Variants in GALNTL6 observed in about 807,000 individuals in gnomAD.
The protein encoded by GALNTL6 is polypeptide N-acetylgalactosaminyltransferase like 6, also known as polypeptide N-acetylgalactosaminyltransferase-like 6.
In GALNTL6, 46 loss-of-function variants were observed where a neutral mutation model predicts 73.7. The ratio of observed to expected loss-of-function variants is 0.62; its 90% CI spans 0.49 to 0.80. GALNTL6 has a LOEUF of 0.80. Ranked by LOEUF, GALNTL6 falls within the 30% of genes least tolerant of loss-of-function variation. The probability of loss-of-function intolerance (pLI) is 0.00; values close to 1 mark genes in which losing one functional copy is unlikely to be tolerated. For synonymous variants in GALNTL6, 259 were observed against 263.7 expected (o/e 0.98, Z 0.17); for missense variants, 604 against 755.0 (o/e 0.80, Z 2.34).
chr4:172,380,137 T>C (rs1743226080), intron 5 of GALNTL6: 7 of 1,041,194 alleles, frequency 6.7e-6, no homozygotes, highest in Non-Finnish European at 9.1e-6. Context: ...ATGGATCATC[T>C]GGATTTGGAG....
chr4:172,381,217 A>T (rs1356737222), intron 5 of GALNTL6, among the ~76,000 whole-genome samples: 1 of 152,208 alleles, frequency 6.6e-6, no homozygotes, highest in South Asian at 2.1e-4. Flanking sequence ...ACAAATGATT[A>T]TTTCCTTTAA....
chr4:172,283,771 G>T (rs540002008), intron 3 of GALNTL6, among the ~76,000 whole-genome samples: 1 of 152,046 alleles, frequency 6.6e-6, no homozygotes, highest in East Asian at 1.9e-4. Context: ...AAATAATTTG[G>T]ATTACAACTT....
chr4:172,575,281 A>C (rs973545866), intron 5 of GALNTL6, among the ~76,000 whole-genome samples: 1 of 152,340 alleles, frequency 6.6e-6, no homozygotes, highest in Admixed American at 6.5e-5. Flanking sequence ...CTTACTGCAA[A>C]CATTGTTATG....
chr4:172,219,224 A>ATATATATATATATATAT, intron 2 of GALNTL6, among the ~76,000 whole-genome samples: 2 of 66,550 alleles, frequency 3.0e-5, no homozygotes, highest in Non-Finnish European at 6.6e-5. Flanking sequence ...TATATATATA[A>ATATATATATATATATAT]TCCTTCTGTT....
chr4:172,438,472 T>C (rs1482372274), intron 5 of GALNTL6, among the ~76,000 whole-genome samples: 1 of 152,076 alleles, frequency 6.6e-6, no homozygotes, highest in African/African-American at 2.4e-5. Flanking sequence ...TCTCCAATCA[T>C]GTCCCCACTC....
chr4:172,672,852 G>A (rs1313130637), intron 5 of GALNTL6, among the ~76,000 whole-genome samples: 3 of 152,070 alleles, frequency 2.0e-5, no homozygotes, highest in Non-Finnish European at 4.4e-5. Context: ...TTGTCTTTCT[G>A]TGGGGTCATT....
intron 12 of GALNTL6, among the ~76,000 whole-genome samples, chr4:173,037,721 T>C (rs987078716): frequency 3.3e-5 from 5 of 152,078 alleles, no homozygotes; most frequent in Admixed American, 2.0e-4. Flanking sequence ...GGGGAAATTG[T>C]GCTCATCTGG....
intron 2 of GALNTL6, among the ~76,000 whole-genome samples, chr4:171,919,169 GTCAGT>G (rs1737711951): frequency 6.6e-6 from 1 of 152,108 alleles, no homozygotes; most frequent in Non-Finnish European, 1.5e-5. Flanking sequence ...ATGAATAAAA[GTCAGT>G]CTTCTTCATC....
intron 5 of GALNTL6, among the ~76,000 whole-genome samples, chr4:172,803,737 CT>C (rs1225796399): frequency 2.6e-5 from 4 of 151,994 alleles, no homozygotes; most frequent in Non-Finnish European, 5.9e-5. Context: ...TATATTTTAT[CT>C]ATTTATTTTT....
intron 5 of GALNTL6, among the ~76,000 whole-genome samples, chr4:172,720,355 C>A (rs1049022837): frequency 3.3e-5 from 5 of 152,136 alleles, no homozygotes; most frequent in South Asian, 2.1e-4. Flanking sequence ...TGCTTCCCGC[C>A]CGCCATTCAA....
Position 172,938,596 on chromosome 4 carries a change from C to T in GALNTL6, c.1149+7328C>T, listed in dbSNP as rs189882668. ...TCTATACTCCCTCAAATTGACCTTT[C>T]TCTCCCGATGACTGTAAATCACTGT... On this transcript the variant is annotated intron_variant, in intron 9 of 12. Coordinates refer to ENST00000506823, the MANE Select transcript of GALNTL6 (RefSeq NM_001034845.3). 7.2e-5 allele frequency among the ~76,000 whole-genome samples: 11 copies of T among 152,316 alleles called. No individual in the cohort carries two copies. The East Asian group carries it at 2.1e-3, about 29-fold the overall frequency.
chr4:173,019,756 G>A (rs1244508618), intron 11 of GALNTL6, among the ~76,000 whole-genome samples: 4 of 152,206 alleles, frequency 2.6e-5, no homozygotes, highest in African/African-American at 4.8e-5. Context: ...CCATGATTGA[G>A]AAGGTCGCTG....
intron 3 of GALNTL6, among the ~76,000 whole-genome samples, chr4:172,244,663 T>C (rs561747636): frequency 6.6e-6 from 1 of 152,290 alleles, no homozygotes; most frequent in Admixed American, 6.5e-5. Flanking sequence ...CCCTGATTGC[T>C]GTGCCTATAT....
At chr4:172,251,724 G>C (rs1455688639) in intron 3 of GALNTL6, among the ~76,000 whole-genome samples, 1 of 152,102 alleles carries the variant, frequency 6.6e-6, no homozygotes, top group Non-Finnish European at 1.5e-5. Flanking sequence ...GCAAAACTAA[G>C]AGCAAAAAGC....
At chr4:172,397,770 G>A (rs1420816115) in intron 5 of GALNTL6, among the ~76,000 whole-genome samples, 3 of 151,816 alleles carry the variant, frequency 2.0e-5, no homozygotes, top group African/African-American at 7.3e-5. Flanking sequence ...GTAGAGACAG[G>A]GTTTCACCAT....
chr4:172,096,542 A>AAG (rs1732364359), intron 2 of GALNTL6, among the ~76,000 whole-genome samples: 1 of 151,844 alleles, frequency 6.6e-6, no homozygotes, highest in African/African-American at 2.4e-5. Flanking sequence ...TTTTTATAAA[A>AAG]AAAAAACCTT....
chr4:171,913,226 A>C (rs1325162303), intron 2 of GALNTL6, among the ~76,000 whole-genome samples: 1 of 152,230 alleles, frequency 6.6e-6, no homozygotes, highest in Non-Finnish European at 1.5e-5. Context: ...CAGTTGCATA[A>C]AGAAAAGAAA....
At chr4:172,022,599 T>G (rs1741440250) in intron 2 of GALNTL6, among the ~76,000 whole-genome samples, 1 of 152,134 alleles carries the variant, frequency 6.6e-6, no homozygotes, top group South Asian at 2.1e-4. Context: ...TTTCCTAGCA[T>G]TCATCTCTGC....
intron 5 of GALNTL6, among the ~76,000 whole-genome samples, chr4:172,489,749 G>T (rs1246318281): frequency 6.6e-6 from 1 of 152,180 alleles, no homozygotes; most frequent in Non-Finnish European, 1.5e-5. Flanking sequence ...CCAGGAATAT[G>T]TTGGCAGAGA....
Sources: gnomAD v4.1 joint callset for allele counts (sites outside exome capture counted in the v4.1 genomes callset) on GRCh38, gnomAD v4.1.1 for gene constraint, MANE v1.5 for transcripts, NCBI Gene and HGNC (gene_info 2026-07-23, HGNC 2026-07-21) for gene names.